The following NBPF3 variants were observed in gnomAD, a reference collection of about 807,000 sequenced individuals.
The protein encoded by NBPF3 is NBPF member 3.
NBPF3 carries 57 observed loss-of-function variants against 78.1 expected under a neutral mutation model. The ratio of observed to expected loss-of-function variants is 0.73; its 90% CI spans 0.59 to 0.91. NBPF3 has a LOEUF of 0.91. NBPF3 is among the 40% of genes least tolerant of loss of function. The probability of loss-of-function intolerance (pLI) is 0.00; values close to 1 mark genes in which losing one functional copy is unlikely to be tolerated. For missense variants in NBPF3, 510 were observed against 715.3 expected (o/e 0.71, Z 3.27); for synonymous variants, 182 against 271.7 (o/e 0.67, Z 3.25).
chr1:21,468,441 A>G (rs571112547), intron 2 of NBPF3: 1 of 1,388,178 alleles, frequency 7.2e-7, no homozygotes, highest in Non-Finnish European at 9.3e-7. Context: ...GCAACTGCAG[A>G]CCGTTACCTG....
chr1:21,458,422 A>G (rs1641760855), intron 2 of NBPF3, among the ~76,000 whole-genome samples: 1 of 151,108 alleles, frequency 6.6e-6, no homozygotes, highest in Non-Finnish European at 1.5e-5. Context: ...CGGTACTGAA[A>G]CAGTTGTTAG....
chr1:21,449,516 G>A (rs1461498723), intron 2 of NBPF3, among the ~76,000 whole-genome samples: 2 of 151,744 alleles, frequency 1.3e-5, no homozygotes, highest in Non-Finnish European at 2.9e-5. Flanking sequence ...CTGTTCCTCA[G>A]GCTGGAATGT....
At chr1:21,468,268 T>A in intron 2 of NBPF3, 1 of 432,794 alleles carries the variant, frequency 2.3e-6, no homozygotes, top group Non-Finnish European at 3.4e-6. Flanking sequence ...TGTGGCATTG[T>A]CACAAGGGTA....
At chr1:21,455,467 A>G (rs1181948897) in intron 2 of NBPF3, among the ~76,000 whole-genome samples, 2 of 152,246 alleles carry the variant, frequency 1.3e-5, no homozygotes, top group East Asian at 1.9e-4. Context: ...AGAATAAATC[A>G]TATCAGACTA....
At chr1:21,437,887 C>T (rs1403617523), upstream of NBPF3, among the ~76,000 whole-genome samples, 2 of 149,576 alleles carry the variant, frequency 1.3e-5, no homozygotes, top group South Asian at 4.3e-4. Flanking sequence ...TGCAGTGGAG[C>T]GATCTCGGCT....
intron 1 of NBPF3, among the ~76,000 whole-genome samples, chr1:21,440,576 G>T (rs1324059160): frequency 6.6e-6 from 1 of 152,180 alleles, no homozygotes; most frequent in Non-Finnish European, 1.5e-5. Context: ...GAAGAAACTC[G>T]CTGGCGGGTG....
upstream of NBPF3, among the ~76,000 whole-genome samples, chr1:21,437,982 C>A (rs1045311768): frequency 3.9e-5 from 6 of 151,996 alleles, no homozygotes; most frequent in African/African-American, 1.5e-4. Context: ...CCAACACCCC[C>A]GGCTAATTCT....
At position 21,483,124 on chromosome 1, in the gene NBPF3, G is replaced by A. The variant is rs1207643300; in HGVS notation, c.1659-19G>A. On this transcript the variant is annotated intron_variant, in intron 14 of 14. Coordinates refer to ENST00000318249, the MANE Select transcript of NBPF3 (RefSeq NM_032264.6). ...CTGATTTTCCCTGGCTGCTTCTTTA[G>A]TTTTGTCTCCTTTTCCAGGCTCAAC... is the stretch of plus-strand genomic sequence containing the variant. 1 of 1,612,328 alleles carries A rather than the reference G, an allele frequency of 6.2e-7. No individual in the cohort carries two copies.
At chr1:21,443,040 A>C (rs1640751567) in intron 1 of NBPF3, among the ~76,000 whole-genome samples, 1 of 152,136 alleles carries the variant, frequency 6.6e-6, no homozygotes, top group Non-Finnish European at 1.5e-5. Flanking sequence ...TTCCTTCTGC[A>C]CCATGTGGCA....
intron 1 of NBPF3, among the ~76,000 whole-genome samples, chr1:21,444,431 A>G (rs11589892): frequency 1.3e-5 from 2 of 152,372 alleles, no homozygotes; most frequent in East Asian, 1.9e-4. Flanking sequence ...AGATAGTTCA[A>G]TAAGCATTAA....
rs568075369 is a variant in NBPF3, at chr1:21,476,464, C to T, written c.992+1513C>T. Reference sequence around the variant, plus strand: ...GCTTCCTTCAGGAGCTCTTGCAAGGCAGGCCTGGTGGTGACAAAACCTCTC... The same window carrying T: ...GCTTCCTTCAGGAGCTCTTGCAAGGTAGGCCTGGTGGTGACAAAACCTCTC... On this transcript the variant is annotated intron_variant, in intron 8 of 14. Coordinates refer to ENST00000318249, the MANE Select transcript of NBPF3 (RefSeq NM_032264.6). This position sits in a 1 kb window ranked among gnomAD's most constrained non-coding sequence, Gnocchi z 4.1. Among the ~76,000 whole-genome samples the T allele has an allele frequency of 1.4e-4, 22 of 152,318 alleles. No homozygotes were observed. The highest frequency in any genetic ancestry group is 5.1e-4 in the African/African-American group (21 of 41,576).
chr1:21,471,828 G>A, intron 5 of NBPF3, 45 bp downstream of exon 5: 1 of 1,604,690 alleles, frequency 6.2e-7, no homozygotes, highest in Non-Finnish European at 8.5e-7. Context: ...CCAGGCTTAT[G>A]AGAGACTTCA....
intron 2 of NBPF3, among the ~76,000 whole-genome samples, chr1:21,457,356 ATATATATGTATGTATATATATGTATG>A (rs1202750041): frequency 7.1e-6 from 1 of 141,788 alleles, no homozygotes; most frequent in Non-Finnish European, 1.5e-5. Flanking sequence ...GTGTATATAT[ATATATATGTATGTATATATATGTATG>A]TATATATATG....
intron 2 of NBPF3, 81 bp downstream of exon 2, chr1:21,445,300 T>C (rs1640903333): frequency 6.7e-7 from 1 of 1,494,226 alleles, no homozygotes; most frequent in Non-Finnish European, 9.1e-7. Flanking sequence ...AGGGAAGATG[T>C]CAAGGTCCCT....
chr1:21,483,150 G>T lies in NBPF3; in HGVS notation c.1666G>T (p.Glu556Ter). 1 of 1,611,284 alleles carries T rather than the reference G, an allele frequency of 6.2e-7. No homozygotes were observed. Among genetic ancestry groups the T allele is most frequent in the Admixed American group, 1.7e-5 (1 of 59,612 alleles). Residue 556 changes from glutamate to a stop codon, truncating the protein, a stop_gained, in exon 15 of 15, where the codon GAG (glutamate) becomes TAG (stop). Transcript: ENST00000318249. LOFTEE classifies it low-confidence loss of function (END_TRUNC). Reference protein sequence around the residue: ...DQKPPCPRLNEVLMEAEEPEV... With the variant: ...DQKPPCPRLN ...TTTTGTCTCCTTTTCCAGGCTCAAC[G>T]AGGTGCTGATGGAAGCAGAAGAGCC...
chr1:21,450,333 A>G (rs997267484), intron 2 of NBPF3, among the ~76,000 whole-genome samples: 1 of 152,190 alleles, frequency 6.6e-6, no homozygotes, highest in Non-Finnish European at 1.5e-5. Flanking sequence ...ATCATCAACC[A>G]ATAACAACTC....
intron 2 of NBPF3, among the ~76,000 whole-genome samples, chr1:21,458,847 A>G (rs1641786277): frequency 6.6e-6 from 1 of 152,212 alleles, no homozygotes; most frequent in Non-Finnish European, 1.5e-5. Flanking sequence ...CCATTAGTGT[A>G]TACATTTGTA....
chr1:21,462,475 A>G (rs1642006844), intron 2 of NBPF3, among the ~76,000 whole-genome samples: 1 of 152,264 alleles, frequency 6.6e-6, no homozygotes, highest in African/African-American at 2.4e-5. Context: ...ACAGAGAGAT[A>G]ACAAACACTC....
At chr1:21,470,531 C>G in intron 3 of NBPF3, 101 bp from the exon 4 acceptor site, 1 of 844,604 alleles carries the variant, frequency 1.2e-6, no homozygotes, top group Non-Finnish European at 1.9e-6. Context: ...GCAGTGGGGA[C>G]AGTTTTGTCC....
Sources: gnomAD v4.1 joint callset for allele counts (sites outside exome capture counted in the v4.1 genomes callset) on GRCh38, gnomAD v4.1.1 for gene constraint, Gnocchi (gnomAD v3.1) non-coding constraint, MANE v1.5 for transcripts, NCBI Gene and HGNC (gene_info 2026-07-23, HGNC 2026-07-21) for gene names.